Variants in HIP1 observed in about 807,000 individuals in gnomAD.
The protein encoded by HIP1 is huntingtin interacting protein 1.
A neutral mutation model predicts 147.6 loss-of-function variants in HIP1; 65 were observed. That is an observed-to-expected ratio of 0.44 (90% CI 0.36 to 0.54). The LOEUF is 0.54. Among genes scored for constraint, HIP1 ranks in the 20% least tolerant of loss-of-function variants. The pLI, the probability that HIP1 is intolerant of heterozygous loss-of-function variation, is 0.00. For synonymous variants in HIP1, 479 were observed against 504.0 expected, an observed-to-expected ratio of 0.95 and a Z score of 0.67; for missense variants, 1,061 against 1,299.6, an observed-to-expected ratio of 0.82 and a Z score of 2.82.
At position 75,534,163 on chromosome 7, in the gene HIP1, G is replaced by T; in HGVS notation, c.*4009C>A. 4.4e-6 allele frequency: 1 copy of T among 229,166 alleles called. No individual in the cohort carries two copies. 14.2% of individuals were successfully genotyped at this position (229,166 alleles called of 1,614,324 possible). A position where few individuals can be genotyped will look rare whatever the true frequency, so the allele number is the denominator to read the frequency against. On this transcript the variant is annotated 3_prime_UTR_variant, in exon 31 of 31. Coordinates refer to ENST00000336926, the MANE Select transcript of HIP1 (RefSeq NM_005338.7). The stretch of plus-strand genomic sequence containing the variant: ...GGGGCCAAAGCCAACTAATCTGACC[G>T]GAGCGACATGTACCTGTGATTCCCG...
rs76208176 is a variant in HIP1, at chr7:75,738,817, C to G, written c.104G>C (p.Ser35Thr). ...GAGLEAAERE[S>T]FERTQTVSIN... is the part of the protein sequence containing the mutation. The stretch of plus-strand genomic sequence containing the variant: ...CGTCCTCACCTGAGTCCGCTCGAAG[C>G]TCTCGCGCTCCGCCGCCTCCAGCCC... Residue 35 changes from serine (S) to threonine (T), a missense_variant, in exon 1 of 31, where the codon AGC becomes ACC. Coordinates refer to ENST00000336926, the MANE Select transcript of HIP1 (RefSeq NM_005338.7). The G allele has an allele frequency of 2.3e-3, 3,698 of 1,600,910 alleles. 86 individuals are homozygous for G. The East Asian group carries it at 0.063, about 27-fold the overall frequency.
At chr7:75,640,758 T>A (rs201592000) in intron 1 of HIP1, among the ~76,000 whole-genome samples, 35 of 58,216 alleles carry the variant, frequency 6.0e-4, no homozygotes, top group African/African-American at 2.0e-3. Context: ...ATCTCAATAA[T>A]AATAATAATA....
intron 1 of HIP1, among the ~76,000 whole-genome samples, chr7:75,737,981 G>T (rs1035530860): frequency 2.0e-5 from 3 of 152,090 alleles, no homozygotes; most frequent in Non-Finnish European, 4.4e-5. Flanking sequence ...AATACACCAG[G>T]CATTAAAAAC....
At chr7:75,637,159 C>T (rs1187544367) in intron 1 of HIP1, among the ~76,000 whole-genome samples, 2 of 152,202 alleles carry the variant, frequency 1.3e-5, no homozygotes, top group Admixed American at 1.3e-4. Flanking sequence ...CACTTTCATG[C>T]TAAGGGCCTT....
intron 1 of HIP1, among the ~76,000 whole-genome samples, chr7:75,617,131 A>G (rs1797699014): frequency 6.7e-6 from 1 of 148,588 alleles, no homozygotes. Context: ...CTGGAGTGCA[A>G]TGGCGTGATC....
chr7:75,602,878 G>C (rs1797060412), intron 1 of HIP1, among the ~76,000 whole-genome samples: 1 of 146,796 alleles, frequency 6.8e-6, no homozygotes, highest in Non-Finnish European at 1.5e-5. Flanking sequence ...GTTAAGATGA[G>C]GTCACACTGG....
At chr7:75,710,518 C>A (rs1431941941) in intron 1 of HIP1, among the ~76,000 whole-genome samples, 1 of 152,152 alleles carries the variant, frequency 6.6e-6, no homozygotes, top group African/African-American at 2.4e-5. Context: ...ATCCTGACCT[C>A]ATCAAATGAA....
intron 1 of HIP1, among the ~76,000 whole-genome samples, chr7:75,669,689 A>T (rs1799678759): frequency 6.6e-6 from 1 of 152,178 alleles, no homozygotes; most frequent in Non-Finnish European, 1.5e-5. Context: ...TATTCTGAAC[A>T]TTTCATATAA....
chr7:75,634,729 C>T (rs1798362669), intron 1 of HIP1, among the ~76,000 whole-genome samples: 1 of 151,798 alleles, frequency 6.6e-6, no homozygotes, highest in Non-Finnish European at 1.5e-5. Context: ...AGTTCAAAAC[C>T]AGCCTGGGCA....
chr7:75,714,413 C>G (rs1554520392), intron 1 of HIP1, among the ~76,000 whole-genome samples: 1 of 151,700 alleles, frequency 6.6e-6, no homozygotes, highest in African/African-American at 2.4e-5. Context: ...TCCCAGACAC[C>G]CTTTGCCCAG....
intron 1 of HIP1, among the ~76,000 whole-genome samples, chr7:75,612,959 C>A (rs1297317272): frequency 6.6e-6 from 1 of 151,990 alleles, no homozygotes; most frequent in Non-Finnish European, 1.5e-5. Context: ...CAAAAATTAG[C>A]TGGGCATGGT....
intron 1 of HIP1, among the ~76,000 whole-genome samples, chr7:75,734,375 G>A (rs1319655227): frequency 1.3e-5 from 2 of 152,264 alleles, no homozygotes; most frequent in East Asian, 1.9e-4. Flanking sequence ...GAGCCCAGGA[G>A]TCCCAGGCAA....
chr7:75,636,808 G>A (rs150003046), intron 1 of HIP1, among the ~76,000 whole-genome samples: 1 of 152,328 alleles, frequency 6.6e-6, no homozygotes, highest in African/African-American at 2.4e-5. Flanking sequence ...AGGTTTCCCA[G>A]TGCTTACGGG....
intron 1 of HIP1, among the ~76,000 whole-genome samples, chr7:75,661,197 G>T (rs1799301184): frequency 6.6e-6 from 1 of 151,194 alleles, no homozygotes; most frequent in Non-Finnish European, 1.5e-5. Flanking sequence ...AGGATCACTT[G>T]AGCCTGGGAG....
intron 1 of HIP1, among the ~76,000 whole-genome samples, chr7:75,602,810 C>T (rs3857837): frequency 0.12 from 17,456 of 148,858 alleles, 1,274 homozygotes; most frequent in African/African-American, 0.19. Flanking sequence ...CAACCCCCCC[C>T]ACCCCGTACC....
chr7:75,616,104 A>AAAAAAAAAAACAAAAAC (rs1797650481), intron 1 of HIP1, among the ~76,000 whole-genome samples: 1 of 150,166 alleles, frequency 6.7e-6, no homozygotes, highest in Admixed American at 6.7e-5. Flanking sequence ...AAAAAAAAAA[A>AAAAAAAAAAACAAAAAC]AAGAAAAGAT....
At chr7:75,701,521 C>T (rs1259045940) in intron 1 of HIP1, among the ~76,000 whole-genome samples, 2 of 152,106 alleles carry the variant, frequency 1.3e-5, no homozygotes, top group African/African-American at 4.8e-5. Flanking sequence ...CTGACCTGGG[C>T]AACATAGTGA....
chr7:75,635,542 C>T (rs1383092608), intron 1 of HIP1, among the ~76,000 whole-genome samples: 1 of 142,426 alleles, frequency 7.0e-6, no homozygotes, highest in Non-Finnish European at 1.5e-5. Flanking sequence ...CGTGCCACTG[C>T]ACTCCAGCCT....
chr7:75,675,488 C>T (rs1799860723), intron 1 of HIP1, among the ~76,000 whole-genome samples: 1 of 152,164 alleles, frequency 6.6e-6, no homozygotes, highest in Non-Finnish European at 1.5e-5. Context: ...AGGCATGAGC[C>T]ACTGTGCCTG....
Sources: allele counts gnomAD v4.1 joint callset (sites outside exome capture counted in the v4.1 genomes callset), GRCh38; gene constraint gnomAD v4.1.1; transcripts MANE v1.5; gene names NCBI Gene and HGNC (gene_info 2026-07-23, HGNC 2026-07-21).